KLF12: variants seen among roughly 807,000 people sequenced by gnomAD.
The protein encoded by KLF12 is KLF transcription factor 12, also known as Krueppel-like factor 12.
Under a neutral mutation model 37.8 loss-of-function variants are expected in KLF12, and 9 were observed. That is an observed-to-expected ratio of 0.24 (90% CI 0.14 to 0.42). The LOEUF (loss-of-function observed/expected upper bound fraction) is 0.42. Among genes scored for constraint, KLF12 ranks in the 10% least tolerant of loss-of-function variants. The probability of loss-of-function intolerance (pLI) is 1.00; values close to 1 mark genes in which losing one functional copy is unlikely to be tolerated. For synonymous variants in KLF12, 208 were observed against 202.1 expected (o/e 1.03, Z -0.25); for missense variants, 411 against 516.0 (o/e 0.80, Z 1.97).
the KLF12 span, among the ~76,000 whole-genome samples, chr13:74,264,820 G>T: frequency 6.6e-6 from 1 of 152,070 alleles, no homozygotes; most frequent in Non-Finnish European, 1.5e-5. Context: ...ACCTAGGGGA[G>T]AATATGTCTT....
chr13:74,170,726 C>A, the KLF12 span, among the ~76,000 whole-genome samples: 280 of 152,248 alleles, frequency 1.8e-3, 3 homozygotes, highest in Non-Finnish European at 7.4e-4. Flanking sequence ...TATGAGAGAG[C>A]CAATAAATAA....
Position 73,867,446 on chromosome 13 carries a change from C to A in KLF12, c.124-21073G>T, listed in dbSNP as rs866931202. Among the ~76,000 whole-genome samples, 9 of 151,242 alleles carry A rather than the reference C, an allele frequency of 6.0e-5. No homozygotes were observed. The Middle Eastern group carries it at 0.017, about 294-fold the overall frequency. On this transcript the variant is annotated intron_variant, in intron 3 of 7. Coordinates refer to ENST00000377669, the MANE Select transcript of KLF12 (RefSeq NM_007249.5). ...TATATATATACACACATACATATGA[C>A]ATATATATGTCAATTTATAAAAATA...
the KLF12 span, among the ~76,000 whole-genome samples, chr13:74,261,145 T>G: frequency 6.6e-6 from 1 of 152,100 alleles, no homozygotes; most frequent in African/African-American, 2.4e-5. Flanking sequence ...TTAAAAAAAT[T>G]TAAAAAGAGA....
At chr13:74,085,664 C>G (rs1205467294) in intron 1 of KLF12, among the ~76,000 whole-genome samples, 3 of 152,162 alleles carry the variant, frequency 2.0e-5, no homozygotes, top group African/African-American at 7.2e-5. Flanking sequence ...GATCCACTAG[C>G]CAGCGGGTTT....
At chr13:73,992,597 G>T (rs1891998267) in intron 2 of KLF12, among the ~76,000 whole-genome samples, 1 of 151,914 alleles carries the variant, frequency 6.6e-6, no homozygotes, top group Non-Finnish European at 1.5e-5. Context: ...AAGCAGAAAG[G>T]CACAGCATGA....
At chr13:73,862,603 T>A (rs1885988062) in intron 3 of KLF12, among the ~76,000 whole-genome samples, 1 of 146,962 alleles carries the variant, frequency 6.8e-6, no homozygotes, top group African/African-American at 2.4e-5. Flanking sequence ...AAGACGACTA[T>A]GTTTCGTGAA....
chr13:74,253,223 G>A, the KLF12 span, among the ~76,000 whole-genome samples: 3 of 152,130 alleles, frequency 2.0e-5, no homozygotes, highest in Admixed American at 2.0e-4. Context: ...TTTTTAAAAA[G>A]TATAGTCTTA....
At chr13:74,085,736 A>G (rs1435298442) in intron 1 of KLF12, among the ~76,000 whole-genome samples, 1 of 152,166 alleles carries the variant, frequency 6.6e-6, no homozygotes, top group African/African-American at 2.4e-5. Flanking sequence ...CCTGGGCACC[A>G]CCTTCAAAGG....
rs1279427533 is a variant in KLF12, at chr13:73,686,505, C to A, written c.*8985G>T. 1.3e-5 allele frequency: 2 copies of A among 152,558 alleles called. No individual in the cohort carries two copies. The highest frequency in any genetic ancestry group is 2.9e-5 in the Non-Finnish European group (2 of 68,020). The allele number at this position is 152,558 out of a possible 1,614,324, so 9.5% of individuals were successfully genotyped here. ...CTAAACACTACAGAGTATATAAATGCAGAGGAAACTATTGGGAAATTAGGT... is the reference window on the plus strand; with the variant it reads ...CTAAACACTACAGAGTATATAAATGAAGAGGAAACTATTGGGAAATTAGGT... On this transcript the variant is annotated 3_prime_UTR_variant, in exon 8 of 8. Coordinates refer to ENST00000377669, the MANE Select transcript of KLF12 (RefSeq NM_007249.5).
At chr13:73,974,610 G>A (rs552782990) in intron 2 of KLF12, among the ~76,000 whole-genome samples, 4 of 152,114 alleles carry the variant, frequency 2.6e-5, no homozygotes, top group South Asian at 2.1e-4. Flanking sequence ...TAACAGAGAC[G>A]CTATGGCAAA....
At chr13:74,271,410 C>T in the KLF12 span, among the ~76,000 whole-genome samples, 3 of 152,124 alleles carry the variant, frequency 2.0e-5, no homozygotes, top group Non-Finnish European at 4.4e-5. Flanking sequence ...TTCTCTCCTT[C>T]CTTAAGAAAA....
intron 1 of KLF12, among the ~76,000 whole-genome samples, chr13:74,036,534 G>GT (rs1464333615): frequency 6.6e-6 from 1 of 152,198 alleles, no homozygotes; most frequent in Admixed American, 6.5e-5. Context: ...TCCCAAGAAG[G>GT]TTTTTCAACC....
chr13:73,909,226 A>G (rs960671590), intron 3 of KLF12, among the ~76,000 whole-genome samples: 1 of 152,220 alleles, frequency 6.6e-6, no homozygotes, highest in Admixed American at 6.5e-5. Flanking sequence ...AAAGTCTTCA[A>G]CTAGGTTCCG....
intron 3 of KLF12, among the ~76,000 whole-genome samples, chr13:73,900,267 T>G (rs1054856689): frequency 6.6e-6 from 1 of 151,984 alleles, no homozygotes; most frequent in Non-Finnish European, 1.5e-5. Flanking sequence ...TAGATGAGAG[T>G]TGGTATCTAA....
chr13:73,748,035 T>C (rs1878490272), intron 6 of KLF12, among the ~76,000 whole-genome samples: 4 of 152,194 alleles, frequency 2.6e-5, no homozygotes, highest in South Asian at 2.1e-4. Context: ...ACTGACTTCA[T>C]TGTTTCCACT....
intron 6 of KLF12, among the ~76,000 whole-genome samples, chr13:73,755,755 C>T (rs1363012000): frequency 1.3e-5 from 2 of 151,958 alleles, no homozygotes; most frequent in Admixed American, 6.6e-5. Flanking sequence ...ACCACCCCCC[C>T]AACCCTTTCC....
intron 6 of KLF12, among the ~76,000 whole-genome samples, chr13:73,724,694 A>G (rs982809554): frequency 6.6e-6 from 1 of 152,224 alleles, no homozygotes; most frequent in Non-Finnish European, 1.5e-5. Flanking sequence ...GAGGTATACC[A>G]ATATGACTCA....
chr13:74,274,116 T>G, the KLF12 span, among the ~76,000 whole-genome samples: 2 of 152,054 alleles, frequency 1.3e-5, no homozygotes, highest in Non-Finnish European at 2.9e-5. Context: ...TTATACCACC[T>G]CCCTCTTCAC....
chr13:73,821,265 T>C (rs1327986953), intron 4 of KLF12, among the ~76,000 whole-genome samples: 1 of 152,192 alleles, frequency 6.6e-6, no homozygotes, highest in East Asian at 1.9e-4. Context: ...AAGAATTCCA[T>C]AATTTCCCCA....
Sources: allele counts gnomAD v4.1 joint callset (sites outside exome capture counted in the v4.1 genomes callset), GRCh38; gene constraint gnomAD v4.1.1; transcripts MANE v1.5; gene names NCBI Gene and HGNC (gene_info 2026-07-23, HGNC 2026-07-21).